FAM168B: variants seen among roughly 807,000 people sequenced by gnomAD.
FAM168B encodes the protein myelin-associated neurite-outgrowth inhibitor.
Under a neutral mutation model 21.8 loss-of-function variants are expected in FAM168B, and 19 were observed. The ratio of observed to expected loss-of-function variants is 0.87; its 90% CI spans 0.61 to 1.28. The LOEUF is 1.28. FAM168B is among the 50% of genes most tolerant of loss of function. The pLI, the probability that FAM168B is intolerant of heterozygous loss-of-function variation, is 0.00. For missense variants in FAM168B, 233 were observed against 263.1 expected (o/e 0.89, Z 0.79); for synonymous variants, 126 against 104.8 (o/e 1.20, Z -1.24).
chr2:131,087,063 C>CAAAAAAAAAAAAAAAA (rs70994735), intron 1 of FAM168B, among the ~76,000 whole-genome samples: 1 of 40,684 alleles, frequency 2.5e-5, no homozygotes, highest in African/African-American at 2.7e-4. Flanking sequence ...GACTCCGTCT[C>CAAAAAAAAAAAAAAAA]AAAAAAAAAA....
intron 1 of FAM168B, among the ~76,000 whole-genome samples, chr2:131,089,200 A>C (rs1693878895): frequency 6.6e-6 from 1 of 151,944 alleles, no homozygotes. Context: ...TTCCGACCTC[A>C]GGTGATCCGC....
At chr2:131,078,848 T>C (rs546324166) in intron 2 of FAM168B, among the ~76,000 whole-genome samples, 2 of 151,838 alleles carry the variant, frequency 1.3e-5, no homozygotes, top group Non-Finnish European at 1.5e-5. Flanking sequence ...TATTCAGGCA[T>C]GGTAGCGCAC....
chr2:131,077,469 C>T (rs924535089), intron 2 of FAM168B, among the ~76,000 whole-genome samples: 2 of 152,224 alleles, frequency 1.3e-5, no homozygotes, highest in Admixed American at 6.5e-5. Context: ...GCCTCACAGT[C>T]TGAGGCTCTC....
In FAM168B at chr2:131,051,112, T is replaced by C; in HGVS notation, c.*1353A>G. 3.0e-6 allele frequency: 3 copies of C among 985,422 alleles called. No individual in the cohort carries two copies. Among genetic ancestry groups the C allele is most frequent in the Non-Finnish European group, 3.6e-6 (3 of 829,956 alleles). 61.0% of individuals were successfully genotyped at this position (985,422 alleles called of 1,614,324 possible). On this transcript the variant is annotated 3_prime_UTR_variant, in exon 7 of 7. Coordinates refer to ENST00000389915, the MANE Select transcript of FAM168B (RefSeq NM_001009993.4). ...TCCAGCACTGCCTGGCCCTCTCTGCTGTCTGTGCTTGCTTTGTGCCAAGTG... is the reference window on the plus strand; with the variant it reads ...TCCAGCACTGCCTGGCCCTCTCTGCCGTCTGTGCTTGCTTTGTGCCAAGTG...
intron 3 of FAM168B, among the ~76,000 whole-genome samples, chr2:131,061,323 A>G (rs1431876720): frequency 6.6e-6 from 1 of 151,278 alleles, no homozygotes; most frequent in Non-Finnish European, 1.5e-5. Flanking sequence ...AAAAATAAGC[A>G]AGGTGAAAAG....
At chr2:131,076,448 T>A (rs1573799430) in intron 2 of FAM168B, among the ~76,000 whole-genome samples, 1 of 151,068 alleles carries the variant, frequency 6.6e-6, no homozygotes, top group African/African-American at 2.4e-5. Flanking sequence ...GATCACGAGG[T>A]CAGGAGATTG....
At position 131,049,029 on chromosome 2, in the gene FAM168B, A is replaced by ACAC. The variant is rs1250274899; in HGVS notation, c.*3433_*3435dup. On this transcript the variant is annotated 3_prime_UTR_variant, in exon 7 of 7. Transcript: ENST00000389915. ...GTCTGGGTCTCCTTTTTTAAAGCAG[A>ACAC]CACCAATACTTACATAACTAGTACA... 2 of 985,342 alleles carry ACAC rather than the reference A, an allele frequency of 2.0e-6. No individual in the cohort carries two copies. The highest frequency in any genetic ancestry group is 2.4e-6 in the Non-Finnish European group (2 of 829,942). 61.0% of individuals were successfully genotyped at this position (985,342 alleles called of 1,614,324 possible).
Position 131,061,369 on chromosome 2 carries a change from A to T in FAM168B, c.155-5674T>A, listed in dbSNP as rs548786778. Among the ~76,000 whole-genome samples the T allele has an allele frequency of 5.8e-4, 88 of 151,964 alleles. 1 individual carries two copies. The highest frequency in any genetic ancestry group is 2.0e-3 in the African/African-American group (82 of 41,508). ...TTTCAGATGCTGACACACAACTGAG[A>T]GCGTGTACGCTAGCCAGAAAATCTC... is the stretch of plus-strand genomic sequence containing the variant. On this transcript the variant is annotated intron_variant, in intron 3 of 6. Transcript: ENST00000389915.
chr2:131,052,233 C>G lies in FAM168B; in HGVS notation c.*232G>C, dbSNP rs1481249860. On this transcript the variant is annotated 3_prime_UTR_variant, in exon 7 of 7. Transcript: ENST00000389915. ...ACTCCCTTTTTATCATTACAGTTAGCTAAAAAATTGCCAGGCAGTCCACAA... is the reference window on the plus strand; with the variant it reads ...ACTCCCTTTTTATCATTACAGTTAGGTAAAAAATTGCCAGGCAGTCCACAA... 6.1e-6 allele frequency: 6 copies of G among 985,784 alleles called. No individual in the cohort carries two copies. The highest frequency in any genetic ancestry group is 7.2e-6 in the Non-Finnish European group (6 of 829,926). 61.1% of individuals were successfully genotyped at this position (985,784 alleles called of 1,614,324 possible). A position where few individuals can be genotyped will look rare whatever the true frequency, so the allele number is the denominator to read the frequency against.
chr2:131,058,358 C>T (rs558084536), intron 3 of FAM168B, among the ~76,000 whole-genome samples: 1 of 152,234 alleles, frequency 6.6e-6, no homozygotes, highest in South Asian at 2.1e-4. Context: ...CCCCTGCATG[C>T]CCTTTCATGG....
chr2:131,058,767 A>C (rs1301035696), intron 3 of FAM168B, among the ~76,000 whole-genome samples: 1 of 152,238 alleles, frequency 6.6e-6, no homozygotes, highest in Non-Finnish European at 1.5e-5. Flanking sequence ...GTCTTTAAGA[A>C]GGCTAAAAAA....
In FAM168B at chr2:131,055,707, A is replaced by G. The variant is rs1691983400; in HGVS notation, c.155-12T>C. The G allele has an allele frequency of 6.2e-7, 1 of 1,612,856 alleles. No homozygotes were observed. On this transcript the variant is annotated splice_polypyrimidine_tract_variant and intron_variant, in intron 3 of 6. Coordinates refer to ENST00000389915, the MANE Select transcript of FAM168B (RefSeq NM_001009993.4). ...GCCAGGAGTGTAACCTGGAACAAAG[A>G]AGGCAATGGCCTGAGTTCACCCAAG... is the stretch of plus-strand genomic sequence containing the variant.
At chr2:131,071,140 G>C (rs985157061) in intron 3 of FAM168B, among the ~76,000 whole-genome samples, 1 of 152,194 alleles carries the variant, frequency 6.6e-6, no homozygotes, top group Non-Finnish European at 1.5e-5. Context: ...CTGGGGAAAG[G>C]ACACTGCTGT....
At position 131,049,019 on chromosome 2, in the gene FAM168B, T is replaced by A; in HGVS notation, c.*3446A>T. 1.0e-6 allele frequency: 1 copy of A among 985,532 alleles called. No individual in the cohort carries two copies. 61.0% of individuals were successfully genotyped at this position (985,532 alleles called of 1,614,324 possible). On this transcript the variant is annotated 3_prime_UTR_variant, in exon 7 of 7. Transcript: ENST00000389915. ...GACAGGTGAAGTCTGGGTCTCCTTT[T>A]TTAAAGCAGACACCAATACTTACAT... is the stretch of plus-strand genomic sequence containing the variant.
intron 1 of FAM168B, among the ~76,000 whole-genome samples, chr2:131,086,938 G>A (rs1693734751): frequency 2.3e-5 from 3 of 129,334 alleles, no homozygotes; most frequent in Admixed American, 1.4e-4. Flanking sequence ...GGTGGCGGGC[G>A]CCTGTAGTCC....
chr2:131,070,449 G>A (rs1362801809), intron 3 of FAM168B, among the ~76,000 whole-genome samples: 1 of 152,192 alleles, frequency 6.6e-6, no homozygotes, highest in Non-Finnish European at 1.5e-5. Context: ...CTGCTGGTAG[G>A]AATGTAAAAT....
chr2:131,071,300 GAA>G (rs1692859878), intron 3 of FAM168B, among the ~76,000 whole-genome samples: 1 of 152,104 alleles, frequency 6.6e-6, no homozygotes, highest in African/African-American at 2.4e-5. Context: ...CCGTGTGGGT[GAA>G]AAAAGTCCAA....
intron 3 of FAM168B, among the ~76,000 whole-genome samples, chr2:131,067,710 G>C (rs1692638253): frequency 6.6e-6 from 1 of 151,944 alleles, no homozygotes; most frequent in South Asian, 2.1e-4. Context: ...AACAAAGTGA[G>C]ATCCTATCAC....
intron 2 of FAM168B, among the ~76,000 whole-genome samples, chr2:131,077,617 G>A (rs532856837): frequency 6.6e-6 from 1 of 152,314 alleles, no homozygotes; most frequent in Admixed American, 6.5e-5. Context: ...TGTTGACCTG[G>A]GCGGTGCTTG....
Sources: gnomAD v4.1 joint callset for allele counts (sites outside exome capture counted in the v4.1 genomes callset) on GRCh38, gnomAD v4.1.1 for gene constraint, MANE v1.5 for transcripts, NCBI Gene and HGNC (gene_info 2026-07-23, HGNC 2026-07-21) for gene names.